Variants in SLC19A2 observed in about 807,000 individuals in gnomAD.
SLC19A2 encodes the protein thiamine transporter 1.
A neutral mutation model predicts 44.7 loss-of-function variants in SLC19A2; 27 were observed. The ratio of observed to expected loss-of-function variants is 0.60; its 90% CI spans 0.45 to 0.83. The LOEUF is 0.83. Among genes scored for constraint, SLC19A2 ranks in the 40% least tolerant of loss-of-function variants. The probability of loss-of-function intolerance (pLI) is 0.00; values close to 1 mark genes in which losing one functional copy is unlikely to be tolerated. For synonymous variants in SLC19A2, 239 were observed against 243.6 expected, an observed-to-expected ratio of 0.98 and a Z score of 0.18; for missense variants, 566 against 613.7, an observed-to-expected ratio of 0.92 and a Z score of 0.82.
rs1277967477 is a variant in SLC19A2 at position 169,468,829 on chromosome 1, A to C, written c.1038T>G (p.Val346=). 1 of 1,613,840 alleles carries C rather than the reference A, an allele frequency of 6.2e-7. No homozygotes were observed. Among genetic ancestry groups the C allele is most frequent in the South Asian group, 1.1e-5 (1 of 91,082 alleles). ...VEAVSTLLGA[V]AVFAVGYIKI... The stretch of plus-strand genomic sequence containing the variant: ...TTATATAACCAACTGCAAACACAGC[A>C]ACAGCACCTACAGAACAAACAAAAA... The change falls in exon 4 of 6, where the codon GTT becomes GTG. Residue 346 remains valine (V), a synonymous_variant. Coordinates refer to ENST00000236137, the MANE Select transcript of SLC19A2 (RefSeq NM_006996.3).
At chr1:169,469,840 C>CA in intron 3 of SLC19A2, 124 bp downstream of exon 3, 1 of 916,568 alleles carries the variant, frequency 1.1e-6, no homozygotes, top group Admixed American at 2.0e-5. Flanking sequence ...AAATCTAGCT[C>CA]AAAATAATCA....
chr1:169,466,001 T>C, intron 5 of SLC19A2, 24 bp from the exon 6 acceptor site: 1 of 1,613,562 alleles, frequency 6.2e-7, no homozygotes, highest in South Asian at 1.1e-5. Context: ...AAGCAGTTTA[T>C]TGAATTATCA....
Position 169,468,386 on chromosome 1 carries a change from CA to C in SLC19A2, c.1224-135del, listed in dbSNP as rs1658086778. 4 of 777,478 alleles carry C rather than the reference CA, an allele frequency of 5.1e-6. No homozygotes were observed. The South Asian group carries it at 7.5e-5, about 15-fold the overall frequency. The allele number at this position is 777,478 out of a possible 1,614,324, so 48.2% of individuals were successfully genotyped here. A position where few individuals can be genotyped will look rare whatever the true frequency, so the allele number is the denominator to read the frequency against. ...TTCTACTGTCAATTGCCTTTCCAAC[CA>C]AATGAAAACATTCTGCAACTAAATG... On this transcript the variant is annotated intron_variant, in intron 4 of 5. Coordinates refer to ENST00000236137, the MANE Select transcript of SLC19A2 (RefSeq NM_006996.3).
chr1:169,471,702 A>C (rs75566018), intron 2 of SLC19A2, among the ~76,000 whole-genome samples: 1 of 90,292 alleles, frequency 1.1e-5, no homozygotes, highest in African/African-American at 4.7e-5. Context: ...GTGTGTGTAT[A>C]TATACACACA....
Position 169,465,753 on chromosome 1 carries a change from A to G in SLC19A2, c.*96T>C. ...GCTGCTGTGAAGTCAAGAAATGCACATTCATAAATATATGTCTACGCTTTA... is the reference window on the plus strand; with the variant it reads ...GCTGCTGTGAAGTCAAGAAATGCACGTTCATAAATATATGTCTACGCTTTA... On this transcript the variant is annotated 3_prime_UTR_variant, in exon 6 of 6. Coordinates refer to ENST00000236137, the MANE Select transcript of SLC19A2 (RefSeq NM_006996.3). The G allele has an allele frequency of 7.2e-7, 1 of 1,383,496 alleles. No homozygotes were observed. Among genetic ancestry groups the G allele is most frequent in the East Asian group, 2.3e-5 (1 of 43,824 alleles). 85.7% of individuals were successfully genotyped at this position (1,383,496 alleles called of 1,614,324 possible). A position where few individuals can be genotyped will look rare whatever the true frequency, so the allele number is the denominator to read the frequency against.
chr1:169,465,675 G>T lies in SLC19A2; in HGVS notation c.*174C>A. The T allele has an allele frequency of 1.5e-6, 1 of 647,714 alleles. No homozygotes were observed. Among genetic ancestry groups the T allele is most frequent in the South Asian group, 1.9e-5 (1 of 53,514 alleles). 40.1% of individuals were successfully genotyped at this position (647,714 alleles called of 1,614,324 possible). A position where few individuals can be genotyped will look rare whatever the true frequency, so the allele number is the denominator to read the frequency against. The stretch of plus-strand genomic sequence containing the variant: ...ATCCATGAAATAAACTTTACTTCTG[G>T]CTCCTCTGAATAGTATCATGTTATT... On this transcript the variant is annotated 3_prime_UTR_variant, in exon 6 of 6. Coordinates refer to ENST00000236137, the MANE Select transcript of SLC19A2 (RefSeq NM_006996.3).
Position 169,465,822 on chromosome 1 carries a change from T to G in SLC19A2, c.*27A>C, listed in dbSNP as rs776884481. Reference sequence around the variant, plus strand: ...GGCAGTTGCTGTGCAGAGTTCTTGCTATAAGAAGAAGCCCTTCAGCAGTAT... The same window carrying G: ...GGCAGTTGCTGTGCAGAGTTCTTGCGATAAGAAGAAGCCCTTCAGCAGTAT... On this transcript the variant is annotated 3_prime_UTR_variant, in exon 6 of 6. Transcript: ENST00000236137. The G allele has an allele frequency of 1.2e-5, 19 of 1,612,614 alleles. No homozygotes were observed. The highest frequency in any genetic ancestry group is 1.7e-5 in the Admixed American group (1 of 60,020).
chr1:169,481,026 G>T (rs35686518), intron 1 of SLC19A2, among the ~76,000 whole-genome samples: 22 of 152,170 alleles, frequency 1.4e-4, no homozygotes, highest in African/African-American at 5.3e-4. Flanking sequence ...GGGGAGAGGG[G>T]GAAGACCAGA....
intron 2 of SLC19A2, among the ~76,000 whole-genome samples, chr1:169,474,955 T>G (rs1244091557): frequency 2.6e-5 from 4 of 152,192 alleles, no homozygotes; most frequent in African/African-American, 9.7e-5. Context: ...GAGAAAGGTT[T>G]AGAAAGAACT....
chr1:169,485,586 C>A lies in SLC19A2; in HGVS notation c.181G>T (p.Asp61Tyr). 6.3e-7 allele frequency: 1 copy of A among 1,586,646 alleles called. No individual in the cohort carries two copies. Among genetic ancestry groups the A allele is most frequent in the East Asian group, 2.3e-5 (1 of 43,156 alleles). ...ACCTCCCTCTCGGTCAGGTTCTTGT[C>A]CGGCCCCAGCAGGTACGGGGTCAGG... The part of the protein sequence containing the change: ...PFLTPYLLGP[D>Y]KNLTEREVFN... The change falls in exon 1 of 6, where the codon GAC (aspartate) becomes TAC (tyrosine). Residue 61 changes from aspartate to tyrosine, a missense_variant. Transcript: ENST00000236137.
chr1:169,471,483 AC>A (rs1415690858), intron 2 of SLC19A2, among the ~76,000 whole-genome samples: 1 of 124,480 alleles, frequency 8.0e-6, no homozygotes, highest in Non-Finnish European at 1.6e-5. Context: ...ACACACACAC[AC>A]ACACACACAC....
Position 169,468,096 on chromosome 1 carries a change from A to C in SLC19A2, c.1365+15T>G, listed in dbSNP as rs1482562555. 6.2e-7 allele frequency: 1 copy of C among 1,613,706 alleles called. No individual in the cohort carries two copies. Among genetic ancestry groups the C allele is most frequent in the Non-Finnish European group, 8.5e-7 (1 of 1,179,734 alleles). Reference sequence around the variant, plus strand: ...GTCACACATACTACCTTCGATGCCAAAGGAGAGATCTTACCTGAGTGGTAA... The same window carrying C: ...GTCACACATACTACCTTCGATGCCACAGGAGAGATCTTACCTGAGTGGTAA... On this transcript the variant is annotated intron_variant, in intron 5 of 5. Coordinates refer to ENST00000236137, the MANE Select transcript of SLC19A2 (RefSeq NM_006996.3).
chr1:169,470,903 G>T (rs909703912), intron 2 of SLC19A2, among the ~76,000 whole-genome samples: 1 of 152,148 alleles, frequency 6.6e-6, no homozygotes, highest in East Asian at 1.9e-4. Context: ...TCTACCAAAG[G>T]TTACTGTAAT....
At chr1:169,475,085 C>T (rs950731201) in intron 2 of SLC19A2, among the ~76,000 whole-genome samples, 2 of 152,148 alleles carry the variant, frequency 1.3e-5, no homozygotes, top group Non-Finnish European at 2.9e-5. Flanking sequence ...AATCTAATCT[C>T]TTTTTAAAAT....
At chr1:169,480,559 G>A (rs1281465043) in intron 1 of SLC19A2, among the ~76,000 whole-genome samples, 1 of 152,090 alleles carries the variant, frequency 6.6e-6, no homozygotes, top group Non-Finnish European at 1.5e-5. Flanking sequence ...TGATCCGCCC[G>A]CCTCAGCCTC....
At chr1:169,481,137 T>C (rs1373927333) in intron 1 of SLC19A2, among the ~76,000 whole-genome samples, 2 of 152,204 alleles carry the variant, frequency 1.3e-5, no homozygotes, top group Admixed American at 6.5e-5. Context: ...ATCAGCATCA[T>C]AATAACAAAC....
intron 2 of SLC19A2, among the ~76,000 whole-genome samples, chr1:169,474,589 A>G (rs1658267209): frequency 6.6e-6 from 1 of 152,202 alleles, no homozygotes; most frequent in Non-Finnish European, 1.5e-5. Flanking sequence ...ATGAGCTATC[A>G]CTTAGACTCC....
chr1:169,482,385 T>A (rs1332890403), intron 1 of SLC19A2, among the ~76,000 whole-genome samples: 1 of 151,758 alleles, frequency 6.6e-6, no homozygotes, highest in Non-Finnish European at 1.5e-5. Context: ...ACTAAAAATA[T>A]AAAAAATTAG....
rs776444312 is a variant in SLC19A2, at chr1:169,485,719, GGCCGCCGCC to G, written c.39_47del (p.Ala14_Ala16del). The G allele has an allele frequency of 3.9e-6, 6 of 1,537,232 alleles. No individual in the cohort carries two copies. The highest frequency in any genetic ancestry group is 5.2e-6 in the Non-Finnish European group (6 of 1,145,386). ...CCCGAGCGGTCCGCAGGAGCACAGTGGCCGCCGCCGCCGCCGCCCGCCGAGACACCGGGC... is the reference window on the plus strand; with the variant it reads ...CCCGAGCGGTCCGCAGGAGCACAGTGGCCGCCGCCCGCCGAGACACCGGGC... On this transcript the variant is annotated inframe_deletion, in exon 1 of 6. Transcript: ENST00000236137.
Sources: gnomAD v4.1 joint callset for allele counts (sites outside exome capture counted in the v4.1 genomes callset) on GRCh38, gnomAD v4.1.1 for gene constraint, MANE v1.5 for transcripts, NCBI Gene and HGNC (gene_info 2026-07-23, HGNC 2026-07-21) for gene names.